NAF1: variants seen among roughly 807,000 people sequenced by gnomAD.
The protein encoded by NAF1 is H/ACA ribonucleoprotein complex non-core subunit NAF1.
Under a neutral mutation model 40.6 loss-of-function variants are expected in NAF1, and 11 were observed. The observed-to-expected ratio is 0.27, with a 90% CI of 0.17 to 0.45. The LOEUF (loss-of-function observed/expected upper bound fraction) is 0.45. NAF1 is among the 20% of genes least tolerant of loss of function. The pLI is 1.00. For missense variants in NAF1, 607 were observed against 611.1 expected (o/e 0.99, Z 0.07); for synonymous variants, 260 against 228.5 (o/e 1.14, Z -1.24).
intron 5 of NAF1, among the ~76,000 whole-genome samples, chr4:163,139,954 A>G (rs1254125809): frequency 1.3e-5 from 2 of 152,148 alleles, no homozygotes; most frequent in East Asian, 3.8e-4. Context: ...AAGAATGTAC[A>G]TAATGGAAAA....
chr4:163,104,977 A>G, the NAF1 span, among the ~76,000 whole-genome samples: 5 of 152,190 alleles, frequency 3.3e-5, no homozygotes, highest in African/African-American at 1.2e-4. Context: ...AGTCGTTGAA[A>G]TTTTCTTTAT....
At chr4:163,153,960 C>G (rs886502280) in intron 2 of NAF1, among the ~76,000 whole-genome samples, 1 of 152,102 alleles carries the variant, frequency 6.6e-6, no homozygotes, top group Non-Finnish European at 1.5e-5. Context: ...CCAGCGAGAC[C>G]ACGAGCCCAC....
intron 7 of NAF1, among the ~76,000 whole-genome samples, chr4:163,131,141 G>A (rs575472817): frequency 6.6e-6 from 1 of 152,294 alleles, no homozygotes; most frequent in Admixed American, 6.5e-5. Flanking sequence ...AAAGTGCTGG[G>A]ATTACAGGCA....
chr4:163,112,330 G>A lies in NAF1; in HGVS notation c.115-2040C>T, dbSNP rs77440928. Among the ~76,000 whole-genome samples the A allele has an allele frequency of 3.4e-3, 510 of 152,220 alleles. 19 individuals are homozygous for A. In the East Asian group the frequency reaches 0.051, roughly 15 times the overall value. ...AAAAAGTAGGTTGGTAGGTGAACAT[G>A]GTGATGGAAATCTGAATGTATTTGA... On this transcript the variant is annotated intron_variant, in intron 2 of 2. Transcript: ENST00000509434.
Position 163,148,399 on chromosome 4 carries a change from C to G in NAF1, c.576G>C (p.Leu192=). ...LPSVEELTII[L]PEDIELKPLG... is the part of the protein sequence containing the mutation. ...GAGGCTTTAACTCAATATCTTCAGG[C>G]AGAATAATAGTGAGTTCTTCAACAG... Residue 192 remains leucine (L), a synonymous_variant, in exon 3 of 8, where the codon CTG becomes CTC. Coordinates refer to ENST00000274054, the MANE Select transcript of NAF1 (RefSeq NM_138386.3). The G allele has an allele frequency of 6.3e-7, 1 of 1,582,356 alleles. No homozygotes were observed. Among genetic ancestry groups the G allele is most frequent in the Non-Finnish European group, 8.6e-7 (1 of 1,169,162 alleles).
At chr4:163,121,079 T>C (rs1361948454) in intron 2 of NAF1, among the ~76,000 whole-genome samples, 2 of 151,982 alleles carry the variant, frequency 1.3e-5, no homozygotes, top group Non-Finnish European at 1.5e-5. Context: ...TTAGTAGAGA[T>C]GGGATTTCAC....
At chr4:163,108,666 A>G (rs977956089), downstream of NAF1, 3 of 152,238 alleles carry the variant, frequency 2.0e-5, no homozygotes, top group Non-Finnish European at 4.4e-5. Context: ...TATGCTTTAT[A>G]AAACTAATAG....
At position 163,156,151 on chromosome 4, in the gene NAF1, T is replaced by C. The variant is rs1187746645; in HGVS notation, c.541-7717A>G. Among the ~76,000 whole-genome samples the C allele has an allele frequency of 1.1e-4, 13 of 116,538 alleles. 3 individuals carry two copies. The Admixed American group carries it at 1.3e-3, about 12-fold the overall frequency. The allele number at this position is 116,538 out of a possible 152,430, so 76.5% of individuals were successfully genotyped here. A position where few individuals can be genotyped will look rare whatever the true frequency, so the allele number is the denominator to read the frequency against. ...TCAATATTAGATACAAATTTAAATT[T>C]AATTAAAATTAAATAAAATTTAAAA... On this transcript the variant is annotated intron_variant, in intron 2 of 7. Transcript: ENST00000274054.
chr4:163,161,018 C>CAAAAAAAAAAAAAAAAAAAAAAAAAA (rs796248441), intron 2 of NAF1, among the ~76,000 whole-genome samples: 2 of 59,694 alleles, frequency 3.4e-5, no homozygotes, highest in Admixed American at 1.9e-4. Context: ...TGTCATTTTC[C>CAAAAAAAAAAAAAAAAAAAAAAAAAA]AAAAAAAAAA....
intron 2 of NAF1, among the ~76,000 whole-genome samples, chr4:163,152,651 T>C (rs920297748): frequency 7.2e-5 from 11 of 152,216 alleles, no homozygotes; most frequent in African/African-American, 2.7e-4. Flanking sequence ...CAATACCAGT[T>C]CAGTGATCCT....
At chr4:163,164,997 G>A (rs980480747) in intron 1 of NAF1, among the ~76,000 whole-genome samples, 2 of 152,042 alleles carry the variant, frequency 1.3e-5, no homozygotes, top group African/African-American at 4.8e-5. Context: ...TATTTTTAAG[G>A]GTTCCATCCT....
At chr4:163,153,934 A>C (rs1259094866) in intron 2 of NAF1, among the ~76,000 whole-genome samples, 1 of 152,082 alleles carries the variant, frequency 6.6e-6, no homozygotes, top group African/African-American at 2.4e-5. Context: ...GAAGATCTGC[A>C]GCTTCACTCC....
At chr4:163,105,166 T>A (rs1488525160), downstream of NAF1, among the ~76,000 whole-genome samples, 2 of 152,222 alleles carry the variant, frequency 1.3e-5, no homozygotes, top group South Asian at 2.1e-4. Flanking sequence ...GGTTAAGATA[T>A]CAGCCATGGG....
In NAF1 at chr4:163,129,310, G is replaced by A. The variant is rs200952019; in HGVS notation, c.1072C>T (p.His358Tyr). 2 of 1,613,682 alleles carry A rather than the reference G, an allele frequency of 1.2e-6. No individual in the cohort carries two copies. The highest frequency in any genetic ancestry group is 2.2e-5 in the East Asian group (1 of 44,876). Reference sequence around the variant, plus strand: ...TTTGCATGCTCTGAAGCAGAGCTATGAGCATTCCAATTCTGATGTACTTCA... The same window carrying A: ...TTTGCATGCTCTGAAGCAGAGCTATAAGCATTCCAATTCTGATGTACTTCA... ...FTEVHQNWNA[H>Y]SSASEHAKGY... Residue 358 changes from histidine to tyrosine, a missense_variant, in exon 8 of 8, where the codon CAT (histidine) becomes TAT (tyrosine). By Grantham distance (83) the His-to-Tyr change is moderately conservative (BLOSUM62 2). This residue lies in a region of NAF1 where 189 missense variants were observed against 216.6 expected (regional missense o/e 0.87). Coordinates refer to ENST00000274054, the MANE Select transcript of NAF1 (RefSeq NM_138386.3).
intron 2 of NAF1, among the ~76,000 whole-genome samples, chr4:163,153,480 T>G (rs1560802728): frequency 6.7e-6 from 1 of 148,832 alleles, no homozygotes. Context: ...GCTCAGGGAT[T>G]GTAAATACAC....
At chr4:163,158,579 G>A (rs968097293) in intron 2 of NAF1, among the ~76,000 whole-genome samples, 1 of 151,950 alleles carries the variant, frequency 6.6e-6, no homozygotes, top group African/African-American at 2.4e-5. Flanking sequence ...GAAGTGTCTT[G>A]ATATTTTTCT....
downstream of NAF1, chr4:163,127,044 A>C (rs1730678900): frequency 6.4e-7 from 1 of 1,551,702 alleles, no homozygotes; most frequent in East Asian, 2.4e-5. Flanking sequence ...TGGAAACCAA[A>C]AAGTTTGTGT....
intron 2 of NAF1, among the ~76,000 whole-genome samples, chr4:163,155,048 A>G (rs1731921254): frequency 6.6e-6 from 1 of 152,210 alleles, no homozygotes; most frequent in Non-Finnish European, 1.5e-5. Flanking sequence ...GAAAGGTACA[A>G]AAAGCGATTT....
intron 2 of NAF1, among the ~76,000 whole-genome samples, chr4:163,151,418 A>G (rs953972676): frequency 6.6e-6 from 1 of 150,800 alleles, no homozygotes; most frequent in African/African-American, 2.4e-5. Context: ...TTATTCTTGT[A>G]TAAAAGTGCA....
Sources: gnomAD v4.1 joint callset for allele counts (sites outside exome capture counted in the v4.1 genomes callset) on GRCh38, gnomAD v4.1.1 for gene constraint, gnomAD v4.1.1 regional missense constraint, MANE v1.5 for transcripts, NCBI Gene and HGNC (gene_info 2026-07-23, HGNC 2026-07-21) for gene names.